The following BTD variants were observed in gnomAD, a reference collection of about 807,000 sequenced individuals.
The protein encoded by BTD is biocytinase.
A neutral mutation model predicts 17.7 loss-of-function variants in BTD; 13 were observed. The observed-to-expected ratio is 0.74, with a 90% CI of 0.48 to 1.17. BTD has a LOEUF of 1.17. BTD is among the 50% of genes most tolerant of loss of function. The pLI is 0.00. For missense variants in BTD, 674 were observed against 650.4 expected (o/e 1.04, Z -0.39); for synonymous variants, 240 against 245.2 (o/e 0.98, Z 0.20).
chr3:15,710,499 G>C (rs1047475794), exon 4 of BTD, among the ~76,000 whole-genome samples: 1 of 152,106 alleles, frequency 6.6e-6, no homozygotes, highest in Non-Finnish European at 1.5e-5. Context: ...CTACAACTTA[G>C]ACTGTGCTGG....
downstream of BTD, among the ~76,000 whole-genome samples, chr3:15,715,459 C>T (rs1473732669): frequency 6.6e-6 from 1 of 152,196 alleles, no homozygotes; most frequent in Non-Finnish European, 1.5e-5. Context: ...ATAATTAGAA[C>T]ATCATAAGTA....
chr3:15,616,498 C>A (rs1013644405), intron 1 of BTD, among the ~76,000 whole-genome samples: 3 of 152,026 alleles, frequency 2.0e-5, no homozygotes, highest in Admixed American at 6.5e-5. Flanking sequence ...CGCCTGTAAT[C>A]CCAGCTACTC....
chr3:15,630,401 G>A (rs1381027504), intron 1 of BTD, among the ~76,000 whole-genome samples: 1 of 152,160 alleles, frequency 6.6e-6, no homozygotes, highest in Non-Finnish European at 1.5e-5. Flanking sequence ...GAAAGTGAAA[G>A]ACAGACTGTT....
exon 4 of BTD, chr3:15,711,383 T>C: frequency 2.3e-6 from 2 of 864,112 alleles, no homozygotes; most frequent in Non-Finnish European, 3.7e-6. Context: ...CAAACAAAAC[T>C]ATGGGTTCTT....
intron 1 of BTD, among the ~76,000 whole-genome samples, chr3:15,616,418 C>T (rs1260731676): frequency 6.6e-6 from 1 of 152,120 alleles, no homozygotes; most frequent in African/African-American, 2.4e-5. Context: ...GAGTTTGAGA[C>T]AAGCCTGACC....
chr3:15,657,050 G>A (rs766538908), downstream of BTD, among the ~76,000 whole-genome samples: 6 of 152,122 alleles, frequency 3.9e-5, no homozygotes, highest in Non-Finnish European at 8.8e-5. Flanking sequence ...GGCTCCTCTG[G>A]GCCTCTCCAT....
intron 3 of BTD, among the ~76,000 whole-genome samples, chr3:15,672,106 A>T (rs573897301): frequency 6.6e-6 from 1 of 151,112 alleles, no homozygotes; most frequent in Non-Finnish European, 1.5e-5. Flanking sequence ...GTTCTCCCAC[A>T]TATTTTCATC....
intron 3 of BTD, chr3:15,676,606 T>C (rs2066964034): frequency 5.8e-6 from 1 of 171,026 alleles, no homozygotes; most frequent in African/African-American, 2.4e-5. Flanking sequence ...AGAAACCTTA[T>C]TGGCTTACAG....
At chr3:15,654,308 G>A (rs1575038314), downstream of BTD, among the ~76,000 whole-genome samples, 1 of 152,084 alleles carries the variant, frequency 6.6e-6, no homozygotes, top group East Asian at 1.9e-4. Context: ...GAAGAGTTAG[G>A]GTTTATGTGG....
chr3:15,623,321 A>G (rs1165694818), intron 1 of BTD, among the ~76,000 whole-genome samples: 1 of 152,238 alleles, frequency 6.6e-6, no homozygotes, highest in Non-Finnish European at 1.5e-5. Context: ...TGTAGACAAC[A>G]TATAGTTGAG....
At chr3:15,619,481 G>T (rs1363737448) in intron 1 of BTD, among the ~76,000 whole-genome samples, 2 of 152,094 alleles carry the variant, frequency 1.3e-5, no homozygotes, top group Admixed American at 6.5e-5. Flanking sequence ...TTCAAATATT[G>T]AACCAACCTT....
intron 3 of BTD, chr3:15,675,864 T>C (rs1043832090): frequency 6.7e-7 from 1 of 1,496,864 alleles, no homozygotes; most frequent in Non-Finnish European, 9.1e-7. Flanking sequence ...ATAAAAGCTC[T>C]AGGTTAAGGG....
intron 1 of BTD, chr3:15,602,429 C>G: frequency 3.6e-6 from 2 of 561,546 alleles, no homozygotes; most frequent in Non-Finnish European, 4.6e-6. Flanking sequence ...TCCCTACCTA[C>G]AACCAGCCCT....
At chr3:15,655,393 C>T (rs2065861533), downstream of BTD, among the ~76,000 whole-genome samples, 1 of 152,190 alleles carries the variant, frequency 6.6e-6, no homozygotes, top group Non-Finnish European at 1.5e-5. Flanking sequence ...ATTAATACCA[C>T]AAAATGTGGC....
chr3:15,680,603 T>TA (rs549935194), intron 3 of BTD, among the ~76,000 whole-genome samples: 1 of 152,178 alleles, frequency 6.6e-6, no homozygotes, highest in East Asian at 1.9e-4. Context: ...ATTGCTAGTT[T>TA]AAAAAAATTC....
At chr3:15,700,889 CCT>C (rs897025116) in intron 3 of BTD, among the ~76,000 whole-genome samples, 2 of 152,012 alleles carry the variant, frequency 1.3e-5, no homozygotes, top group Non-Finnish European at 2.9e-5. Context: ...AGTGAAATAG[CCT>C]CTGTTTATTC....
In BTD at chr3:15,641,957, T is replaced by C; in HGVS notation, c.299T>C (p.Phe100Ser). 1 of 1,614,018 alleles carries C rather than the reference T, an allele frequency of 6.2e-7. No individual in the cohort carries two copies. The change falls in exon 3 of 4, where the codon TTT becomes TCT. Residue 100 changes from phenylalanine (F) to serine (S), a missense_variant. Coordinates refer to ENST00000643237, the MANE Select transcript of BTD (RefSeq NM_001370658.1). ...FPEDGIHGFN[F>S]TRTSIYPFLD... is the part of the protein sequence containing the mutation. ...GAAGATGGCATTCATGGATTCAACT[T>C]TACAAGAACATCCATTTATCCATTT... is the stretch of plus-strand genomic sequence containing the variant.
At chr3:15,670,633 T>C in intron 3 of BTD, 1 of 1,389,568 alleles carries the variant, frequency 7.2e-7, no homozygotes, top group Non-Finnish European at 9.8e-7. Context: ...AAGCCTAAAG[T>C]ACTTCAACTT....
At chr3:15,711,098 T>C (rs183897945) in exon 4 of BTD, 15,510 of 920,008 alleles carry the variant, frequency 0.017, 176 homozygotes, top group Non-Finnish European at 0.021. Context: ...ACAACTCCTG[T>C]TTTGTTTTCT....
Sources: allele counts gnomAD v4.1 joint callset (sites outside exome capture counted in the v4.1 genomes callset), GRCh38; gene constraint gnomAD v4.1.1; transcripts MANE v1.5; gene names NCBI Gene and HGNC (gene_info 2026-07-23, HGNC 2026-07-21).